PKD2L2: variants seen among roughly 807,000 people sequenced by gnomAD.
PKD2L2 encodes polycystin 2 like 2, transient receptor potential cation channel, also known as polycystin-2-like protein 2.
A neutral mutation model predicts 83.9 loss-of-function variants in PKD2L2; 67 were observed. The observed-to-expected ratio is 0.80, with a 90% CI of 0.66 to 0.98. The LOEUF is 0.98. Ranked by LOEUF, PKD2L2 falls within the 50% of genes least tolerant of loss-of-function variation. PKD2L2 has a pLI of 0.00. For missense variants in PKD2L2, 632 were observed against 717.2 expected, an observed-to-expected ratio of 0.88 and a Z score of 1.36; for synonymous variants, 223 against 237.8, an observed-to-expected ratio of 0.94 and a Z score of 0.57.
intron 3 of PKD2L2, among the ~76,000 whole-genome samples, chr5:137,893,937 G>A (rs1220195663): frequency 2.0e-5 from 3 of 152,190 alleles, no homozygotes; most frequent in Non-Finnish European, 2.9e-5. Context: ...ATCTTAGAAC[G>A]ATCAGCAAGG....
At chr5:137,928,106 C>A (rs1226242493) in intron 12 of PKD2L2, among the ~76,000 whole-genome samples, 1 of 152,158 alleles carries the variant, frequency 6.6e-6, no homozygotes, top group Non-Finnish European at 1.5e-5. Flanking sequence ...AGAACACCTA[C>A]AATATATTCA....
At chr5:137,889,631 C>T in intron 1 of PKD2L2, 109 bp downstream of exon 1, 2 of 912,376 alleles carry the variant, frequency 2.2e-6, no homozygotes, top group South Asian at 2.1e-5. Flanking sequence ...TGACTGCCGA[C>T]ACCTTTAGCC....
At chr5:137,921,362 G>GAAA (rs66968280) in intron 8 of PKD2L2, among the ~76,000 whole-genome samples, 86,702 of 144,558 alleles carry the variant, frequency 0.6, 26,305 homozygotes, top group Middle Eastern at 0.68. Context: ...CTGTCTCAAA[G>GAAA]AAAAAAAAAA....
chr5:137,898,261 G>A (rs1432203785), intron 4 of PKD2L2, among the ~76,000 whole-genome samples: 1 of 151,868 alleles, frequency 6.6e-6, no homozygotes, highest in East Asian at 1.9e-4. Context: ...GCCATTGCAC[G>A]GGATCCAAAA....
intron 12 of PKD2L2, among the ~76,000 whole-genome samples, chr5:137,933,391 C>G (rs1760048925): frequency 6.6e-6 from 1 of 152,182 alleles, no homozygotes; most frequent in African/African-American, 2.4e-5. Flanking sequence ...ATGACCTCTT[C>G]TAGTTGAATC....
At chr5:137,910,787 A>G (rs1757766826) in intron 8 of PKD2L2, among the ~76,000 whole-genome samples, 2 of 74,118 alleles carry the variant, frequency 2.7e-5, no homozygotes. Context: ...TCAAAAAAAA[A>G]AGAAAAACAA....
chr5:137,898,768 G>GGCTGGAGT (rs1311818514), intron 4 of PKD2L2, among the ~76,000 whole-genome samples: 5 of 151,642 alleles, frequency 3.3e-5, no homozygotes, highest in African/African-American at 9.7e-5. Flanking sequence ...TGGTCACCCA[G>GGCTGGAGT]GCTGGAGTGC....
intron 8 of PKD2L2, 90 bp from the exon 9 acceptor site, chr5:137,921,546 A>C (rs2150044612): frequency 5.2e-6 from 4 of 774,502 alleles, no homozygotes; most frequent in South Asian, 1.7e-5. Context: ...ATATGCTGCT[A>C]GATATCCTCT....
intron 6 of PKD2L2, 101 bp from the exon 7 acceptor site, chr5:137,907,641 G>T: frequency 1.7e-6 from 1 of 596,518 alleles, no homozygotes; most frequent in Non-Finnish European, 2.7e-6. Context: ...TTCCCTCTTT[G>T]TTAAACTTTT....
At chr5:137,904,639 GT>G (rs781170761) in intron 5 of PKD2L2, among the ~76,000 whole-genome samples, 4 of 152,046 alleles carry the variant, frequency 2.6e-5, no homozygotes, top group Non-Finnish European at 4.4e-5. Flanking sequence ...GAAGGAAGAG[GT>G]TCAGAAAAAA....
intron 2 of PKD2L2, 73 bp from the exon 3 acceptor site, chr5:137,892,407 A>G (rs1756069236): frequency 6.3e-6 from 5 of 798,958 alleles, no homozygotes; most frequent in Non-Finnish European, 9.0e-6. Context: ...TTGAGAAAAA[A>G]ATGTAACATT....
chr5:137,894,850 T>C (rs751753431), intron 4 of PKD2L2, among the ~76,000 whole-genome samples: 8 of 152,206 alleles, frequency 5.3e-5, no homozygotes, highest in Non-Finnish European at 8.8e-5. Context: ...ATGAACTGCT[T>C]AGTCATATTG....
intron 8 of PKD2L2, among the ~76,000 whole-genome samples, chr5:137,916,481 T>C (rs1758364270): frequency 2.8e-5 from 4 of 142,984 alleles, no homozygotes; most frequent in South Asian, 2.3e-4. Context: ...TCTTCTTTTT[T>C]TTTTTTTTTT....
At position 137,889,533 on chromosome 5, in the gene PKD2L2, C is replaced by A. The variant is rs1390312346; in HGVS notation, c.31+11C>A. 1 of 1,547,570 alleles carries A rather than the reference C, an allele frequency of 6.5e-7. No homozygotes were observed. The highest frequency in any genetic ancestry group is 2.6e-5 in the East Asian group (1 of 38,584). On this transcript the variant is annotated intron_variant, in intron 1 of 14. Transcript: ENST00000508883. Reference sequence around the variant, plus strand: ...GGTGGCACCGAGGCGGTGAGGGGTCCTCTTAAGGAGTGGGAGGGACAGGGG... The same window carrying A: ...GGTGGCACCGAGGCGGTGAGGGGTCATCTTAAGGAGTGGGAGGGACAGGGG...
chr5:137,889,459 G>T lies in PKD2L2; in HGVS notation c.-33G>T. 6.3e-7 allele frequency: 1 copy of T among 1,585,820 alleles called. No homozygotes were observed. The highest frequency in any genetic ancestry group is 8.6e-7 in the Non-Finnish European group (1 of 1,168,392). The stretch of plus-strand genomic sequence containing the variant: ...TAGCGCGCAAGCGCCGCGGCCTCAG[G>T]CGAACGAACGGGCGGTGTAGTGCAG... On this transcript the variant is annotated 5_prime_UTR_variant, in exon 1 of 15. Transcript: ENST00000508883.
At chr5:137,913,767 T>C (rs1758066106) in intron 8 of PKD2L2, among the ~76,000 whole-genome samples, 1 of 151,894 alleles carries the variant, frequency 6.6e-6, no homozygotes, top group African/African-American at 2.4e-5. Flanking sequence ...AGGCTGGTTT[T>C]GAACTCCTGG....
intron 1 of PKD2L2, among the ~76,000 whole-genome samples, 195 bp downstream of exon 1, chr5:137,889,717 G>A (rs1456387590): frequency 6.6e-6 from 1 of 152,238 alleles, no homozygotes; most frequent in Admixed American, 6.5e-5. Context: ...AGCCCTGAGC[G>A]AGGTGGCGCT....
intron 12 of PKD2L2, among the ~76,000 whole-genome samples, chr5:137,934,380 C>T (rs1331281894): frequency 6.6e-6 from 1 of 152,166 alleles, no homozygotes; most frequent in Non-Finnish European, 1.5e-5. Flanking sequence ...TTATAATTGG[C>T]CTGGTCATTT....
chr5:137,935,237 G>A (rs1224878232), intron 12 of PKD2L2, among the ~76,000 whole-genome samples: 1 of 152,186 alleles, frequency 6.6e-6, no homozygotes, highest in African/African-American at 2.4e-5. Flanking sequence ...GAAAGCAGGT[G>A]GTAGTGAGAA....
Sources: gnomAD v4.1 joint callset for allele counts (sites outside exome capture counted in the v4.1 genomes callset) on GRCh38, gnomAD v4.1.1 for gene constraint, MANE v1.5 for transcripts, NCBI Gene and HGNC (gene_info 2026-07-23, HGNC 2026-07-21) for gene names.